The following ANAPC2 variants were observed in gnomAD, a reference collection of about 807,000 sequenced individuals.
ANAPC2 encodes anaphase-promoting complex subunit 2.
Under a neutral mutation model 84.3 loss-of-function variants are expected in ANAPC2, and 29 were observed. That is an observed-to-expected ratio of 0.34 (90% CI 0.26 to 0.47). The LOEUF (loss-of-function observed/expected upper bound fraction) is 0.47, where lower values mean the gene tolerates loss of function less well. Among genes scored for constraint, ANAPC2 ranks in the 20% least tolerant of loss-of-function variants. The pLI, the probability that ANAPC2 is intolerant of heterozygous loss-of-function variation, is 1.00. For missense variants in ANAPC2, 857 were observed against 1,131.7 expected (o/e 0.76, Z 3.48); for synonymous variants, 571 against 479.4 (o/e 1.19, Z -2.50).
At chr9:137,178,516 C>T (rs970665519) in intron 10 of ANAPC2, among the ~76,000 whole-genome samples, 2 of 151,986 alleles carry the variant, frequency 1.3e-5, no homozygotes, top group African/African-American at 4.8e-5. Context: ...CTGGAAGCAA[C>T]GCTGGAGAGC....
chr9:137,182,110 G>A (rs1564377258), intron 6 of ANAPC2, among the ~76,000 whole-genome samples: 1 of 152,158 alleles, frequency 6.6e-6, no homozygotes, highest in African/African-American at 2.4e-5. Flanking sequence ...CAGCACATAG[G>A]GACACTAAGC....
At chr9:137,186,812 G>A (rs547000901) in intron 2 of ANAPC2, 4 of 169,126 alleles carry the variant, frequency 2.4e-5, no homozygotes, top group Admixed American at 5.7e-5. Context: ...AAAAGTTGCC[G>A]TGTAACTTTT....
In ANAPC2 at chr9:137,179,076, C is replaced by T. The variant is rs552672955; in HGVS notation, c.1890+1105G>A. ...ACCCTCCCTTGAACTCAGCCCCGCC[C>T]GCCCGCCGGCCTCCTGGCGGCTCTG... On this transcript the variant is annotated intron_variant, in intron 10 of 12. Coordinates refer to ENST00000323927, the MANE Select transcript of ANAPC2 (RefSeq NM_013366.4). Among the ~76,000 whole-genome samples, 11 of 152,322 alleles carry T rather than the reference C, an allele frequency of 7.2e-5. No individual in the cohort carries two copies. In the East Asian group the frequency reaches 1.2e-3, roughly 16 times the overall value.
At chr9:137,180,055 C>A (rs909463260) in intron 10 of ANAPC2, 126 bp downstream of exon 10, 5 of 1,077,236 alleles carry the variant, frequency 4.6e-6, no homozygotes, top group Non-Finnish European at 6.5e-6. Context: ...GAGGCGGCTG[C>A]GAGACAGGAC....
At chr9:137,184,044 AG>A (rs1253821487) in intron 4 of ANAPC2, among the ~76,000 whole-genome samples, 3 of 152,234 alleles carry the variant, frequency 2.0e-5, no homozygotes, top group African/African-American at 4.8e-5. Context: ...GCAGCACAGC[AG>A]TGGACACCCA....
intron 4 of ANAPC2, 40 bp downstream of exon 4, chr9:137,184,873 C>T (rs760210531): frequency 1.2e-6 from 2 of 1,603,136 alleles, no homozygotes; most frequent in South Asian, 2.2e-5. Context: ...GGAAGACTCC[C>T]CAGACGGGAG....
In ANAPC2 at chr9:137,187,691, T is replaced by C. The variant is rs1365099993; in HGVS notation, c.530A>G (p.Tyr177Cys). The C allele has an allele frequency of 6.2e-7, 1 of 1,613,982 alleles. No individual in the cohort carries two copies. Among genetic ancestry groups the C allele is most frequent in the Admixed American group, 1.7e-5 (1 of 60,020 alleles). The change falls in exon 2 of 13, where the codon TAT (tyrosine) becomes TGT (cysteine). Residue 177 changes from tyrosine to cysteine, a missense_variant. By Grantham distance (194) the Tyr-to-Cys change is radical. This residue lies in a region of ANAPC2 where 428 missense variants were observed against 513.8 expected (regional missense o/e 0.83). Coordinates refer to ENST00000323927, the MANE Select transcript of ANAPC2 (RefSeq NM_013366.4). Reference sequence around the variant, plus strand: ...CATATAGACTCTCAAGAAGCACCCATACAGACGCTGGATCATCTCTTGGAA... The same window carrying C: ...CATATAGACTCTCAAGAAGCACCCACACAGACGCTGGATCATCTCTTGGAA... ...RTFQEMIQRL[Y>C]GCFLRVYMQS...
At chr9:137,183,824 C>T (rs1834393774) in intron 4 of ANAPC2, 33 bp from the exon 5 acceptor site, 2 of 1,609,364 alleles carry the variant, frequency 1.2e-6, no homozygotes, top group South Asian at 1.1e-5. Flanking sequence ...CAGGGACAGA[C>T]ATGGATGCGT....
intron 6 of ANAPC2, among the ~76,000 whole-genome samples, chr9:137,182,086 C>T (rs992199624): frequency 4.6e-5 from 7 of 152,230 alleles, no homozygotes; most frequent in South Asian, 2.1e-4. Context: ...GGCCGGCCTG[C>T]GCACCTGCAA....
rs183982111 is a variant in ANAPC2 at position 137,188,167 on chromosome 9, G to A, written c.118-64C>T. 8.4e-5 allele frequency: 131 copies of A among 1,553,578 alleles called. 1 individual carries two copies. The East Asian group carries it at 2.8e-3, about 34-fold the overall frequency. On this transcript the variant is annotated intron_variant, in intron 1 of 12. Transcript: ENST00000323927. The stretch of plus-strand genomic sequence containing the variant: ...ATAGAGGTGGGGAGAGGCGGGGAAG[G>A]GAAGAAGCTGAGGGGGAGGCTGCAA...
chr9:137,181,960 C>T (rs930399951), intron 6 of ANAPC2, 98 bp from the exon 7 acceptor site: 20 of 1,324,922 alleles, frequency 1.5e-5, no homozygotes, highest in East Asian at 2.6e-5. Flanking sequence ...CCAGCACCAC[C>T]GACCCTGCCT....
At chr9:137,186,077 C>T (rs1834461124) in intron 3 of ANAPC2, 147 bp downstream of exon 3, 4 of 1,124,312 alleles carry the variant, frequency 3.6e-6, no homozygotes, top group African/African-American at 1.6e-5. Context: ...CTGGTCTCTA[C>T]CCCACATCAA....
chr9:137,183,555 T>G, intron 5 of ANAPC2, 117 bp downstream of exon 5: 1 of 1,435,224 alleles, frequency 7.0e-7, no homozygotes, highest in Non-Finnish European at 9.2e-7. Context: ...CTCAACCCAT[T>G]TCTTCCTTAG....
intron 4 of ANAPC2, 88 bp from the exon 5 acceptor site, chr9:137,183,879 A>G (rs1409506529): frequency 1.9e-6 from 3 of 1,545,408 alleles, no homozygotes; most frequent in Admixed American, 3.5e-5. Context: ...GTGGGAAAGG[A>G]CACGTGCTTG....
chr9:137,185,100 C>T lies in ANAPC2; in HGVS notation c.874-13G>A, dbSNP rs752001799. 15 of 1,524,502 alleles carry T rather than the reference C, an allele frequency of 9.8e-6. No individual in the cohort carries two copies. Among genetic ancestry groups the T allele is most frequent in the Admixed American group, 4.5e-5 (2 of 44,596 alleles). The allele number at this position is 1,524,502 out of a possible 1,614,324, so 94.4% of individuals were successfully genotyped here. ...CCCGCTCGATCCACTGTCAGGAGAACGCTAGTGTGAGCTGCAGGGAGGCAT... is the reference window on the plus strand; with the variant it reads ...CCCGCTCGATCCACTGTCAGGAGAATGCTAGTGTGAGCTGCAGGGAGGCAT... On this transcript the variant is annotated splice_polypyrimidine_tract_variant and intron_variant, in intron 3 of 12. Coordinates refer to ENST00000323927, the MANE Select transcript of ANAPC2 (RefSeq NM_013366.4).
intron 10 of ANAPC2, among the ~76,000 whole-genome samples, chr9:137,177,801 G>C (rs919951751): frequency 2.0e-5 from 3 of 152,108 alleles, no homozygotes; most frequent in African/African-American, 7.2e-5. Flanking sequence ...GGAATAGAGA[G>C]AGTGTTCTTC....
intron 2 of ANAPC2, 145 bp downstream of exon 2, chr9:137,187,336 G>A (rs911437827): frequency 1.9e-6 from 2 of 1,064,144 alleles, no homozygotes; most frequent in African/African-American, 1.6e-5. Context: ...AGGACACGCT[G>A]CACAGGAATC....
At chr9:137,183,081 A>T in intron 6 of ANAPC2, 44 bp downstream of exon 6, 1 of 1,500,042 alleles carries the variant, frequency 6.7e-7, no homozygotes. Flanking sequence ...GCTCAGCAGG[A>T]TGCCCAGGGT....
At chr9:137,185,904 G>A (rs1588764952) in intron 3 of ANAPC2, among the ~76,000 whole-genome samples, 1 of 152,308 alleles carries the variant, frequency 6.6e-6, no homozygotes, top group Non-Finnish European at 1.5e-5. Flanking sequence ...ACAGGAGAAG[G>A]GGATCCATTC....
Sources: allele counts gnomAD v4.1 joint callset (sites outside exome capture counted in the v4.1 genomes callset), GRCh38; gene constraint gnomAD v4.1.1; regional missense constraint gnomAD v4.1.1; transcripts MANE v1.5; gene names NCBI Gene and HGNC (gene_info 2026-07-23, HGNC 2026-07-21).